FBN2: variants seen among roughly 807,000 people sequenced by gnomAD.
FBN2 encodes the protein fibrillin 2.
In FBN2, 105 loss-of-function variants were observed where a neutral mutation model predicts 355.6. The observed-to-expected ratio is 0.30, with a 90% confidence interval of 0.25 to 0.35. FBN2 has a LOEUF of 0.35. Ranked by LOEUF, FBN2 falls within the 10% of genes least tolerant of loss-of-function variation. The pLI is 1.00. For synonymous variants in FBN2, 1,350 were observed against 1,301.2 expected (o/e 1.04, Z -0.81); for missense variants, 3,280 against 3,758.7 (o/e 0.87, Z 3.33).
intron 11 of FBN2, among the ~76,000 whole-genome samples, chr5:128,379,316 C>A (rs552835607): frequency 6.6e-6 from 1 of 151,970 alleles, no homozygotes; most frequent in East Asian, 1.9e-4. Flanking sequence ...GTTGTCACTG[C>A]TATTAGTTTT....
intron 5 of FBN2, among the ~76,000 whole-genome samples, chr5:128,484,961 A>G (rs1329481953): frequency 6.6e-6 from 1 of 152,182 alleles, no homozygotes; most frequent in Non-Finnish European, 1.5e-5. Context: ...ATACATACGC[A>G]TATAACCTGG....
intron 7 of FBN2, among the ~76,000 whole-genome samples, chr5:128,430,006 C>G (rs1753578747): frequency 6.6e-6 from 1 of 152,122 alleles, no homozygotes; most frequent in Non-Finnish European, 1.5e-5. Context: ...ACCTCTGAGA[C>G]TTTTTTCACA....
At chr5:128,452,640 CTAT>C (rs1754284130) in intron 6 of FBN2, among the ~76,000 whole-genome samples, 1 of 152,180 alleles carries the variant, frequency 6.6e-6, no homozygotes, top group Admixed American at 6.5e-5. Context: ...GAAATTACTA[CTAT>C]ATTTCATAGC....
rs1007306454 is a variant in FBN2 at position 128,357,510 on chromosome 5, ATATGGATC to A, written c.2555-123_2555-116del. ...GGTAAACTTGGCTCTGGTAATTTTA[ATATGGATC>A]TATGAAGCATAAAGTGAATGGGGAA... On this transcript the variant is annotated intron_variant, in intron 19 of 64. Coordinates refer to ENST00000262464, the MANE Select transcript of FBN2 (RefSeq NM_001999.4). The A allele has an allele frequency of 1.2e-5, 15 of 1,213,664 alleles. No homozygotes were observed. The Admixed American group carries it at 2.7e-4, about 22-fold the overall frequency. The allele number at this position is 1,213,664 out of a possible 1,614,324, so 75.2% of individuals were successfully genotyped here. A position where few individuals can be genotyped will look rare whatever the true frequency, so the allele number is the denominator to read the frequency against.
At chr5:128,326,391 T>G (rs1440014974) in intron 34 of FBN2, among the ~76,000 whole-genome samples, 1 of 152,206 alleles carries the variant, frequency 6.6e-6, no homozygotes, top group African/African-American at 2.4e-5. Flanking sequence ...ATGGTCTGTA[T>G]GTAGGTCTGT....
intron 62 of FBN2, among the ~76,000 whole-genome samples, chr5:128,267,599 G>A (rs1031754198): frequency 6.6e-6 from 1 of 151,912 alleles, no homozygotes; most frequent in Non-Finnish European, 1.5e-5. Flanking sequence ...TCATATGTTT[G>A]TTGGCCACAT....
intron 4 of FBN2, 138 bp from the exon 5 acceptor site, chr5:128,519,506 T>A (rs1554075388): frequency 1.4e-6 from 1 of 718,102 alleles, no homozygotes; most frequent in Non-Finnish European, 2.5e-6. Context: ...TTGTATAAAT[T>A]ACACAGGTTA....
chr5:128,263,446 C>T lies in FBN2; in HGVS notation c.8171G>A (p.Gly2724Glu), dbSNP rs777703146. The change falls in exon 63 of 65, where the codon GGG becomes GAG. Residue 2724 changes from glycine to glutamate, a missense_variant. By Grantham distance (98) the Gly-to-Glu change is moderately conservative. Around this residue, in one of 6 missense-constraint regions of FBN2, gnomAD observed 311 missense variants for 319.1 expected, o/e 0.97. Transcript: ENST00000262464. Reference protein sequence around the residue: ...EGGYLCGCPPGYYRVGQGHCV... With the variant: ...EGGYLCGCPPEYYRVGQGHCV... ...TTACCCTTGTCCCACTCTGTAATAC[C>T]CAGGGGGGCAGCCACAGAGGTAGCC... 1 of 1,613,700 alleles carries T rather than the reference C, an allele frequency of 6.2e-7. No individual in the cohort carries two copies. Among genetic ancestry groups the T allele is most frequent in the African/African-American group, 1.3e-5 (1 of 74,888 alleles).
chr5:128,438,179 A>G (rs1753825536), intron 7 of FBN2, among the ~76,000 whole-genome samples: 1 of 152,160 alleles, frequency 6.6e-6, no homozygotes, highest in African/African-American at 2.4e-5. Flanking sequence ...TTTAGTAGAG[A>G]CAGGGTTTCA....
chr5:128,460,898 C>T (rs529681080), intron 6 of FBN2, among the ~76,000 whole-genome samples: 1 of 152,192 alleles, frequency 6.6e-6, no homozygotes, highest in East Asian at 1.9e-4. Flanking sequence ...ACCAAAATAA[C>T]CCTAGAAGAA....
At chr5:128,499,482 T>C (rs749409547) in intron 5 of FBN2, among the ~76,000 whole-genome samples, 1 of 152,172 alleles carries the variant, frequency 6.6e-6, no homozygotes, top group Non-Finnish European at 1.5e-5. Context: ...GATTCTTATG[T>C]AATTGATAGG....
chr5:128,494,503 G>A (rs930343931), intron 5 of FBN2, among the ~76,000 whole-genome samples: 1 of 152,106 alleles, frequency 6.6e-6, no homozygotes, highest in Admixed American at 6.5e-5. Flanking sequence ...GATTTAACTG[G>A]ATCAGACTAT....
chr5:128,267,470 C>T (rs1481666764), intron 62 of FBN2, among the ~76,000 whole-genome samples: 2 of 152,144 alleles, frequency 1.3e-5, no homozygotes, highest in East Asian at 3.9e-4. Context: ...TCTCCACAGT[C>T]TCACCAGCAT....
intron 6 of FBN2, among the ~76,000 whole-genome samples, chr5:128,457,822 A>G (rs1754439624): frequency 6.6e-6 from 1 of 151,986 alleles, no homozygotes; most frequent in Non-Finnish European, 1.5e-5. Context: ...ATGGAAAGGA[A>G]AAACCAGTAC....
chr5:128,407,014 C>A (rs887957060), intron 8 of FBN2, among the ~76,000 whole-genome samples: 5 of 152,170 alleles, frequency 3.3e-5, no homozygotes, highest in Non-Finnish European at 7.3e-5. Flanking sequence ...ACAAACAATT[C>A]TCATTCAAAG....
rs779952945 is a variant in FBN2 at position 128,530,612 on chromosome 5, G to A, written c.419C>T (p.Thr140Ile). ...CTCSSGQISS[T>I]CGSKSIQQCS... ...AAACATACTTGATTTTGATCCACAG[G>A]TTGATGATATTTGCCCACTGGAACA... The change falls in exon 3 of 65, where the codon ACC (threonine) becomes ATC (isoleucine). Residue 140 changes from threonine (T) to isoleucine (I), a missense_variant. Thr to Ile is a moderately conservative substitution (Grantham distance 89). Around this residue, in one of 6 missense-constraint regions of FBN2, gnomAD observed 130 missense variants for 189.9 expected, o/e 0.68. Transcript: ENST00000262464. 3.1e-6 allele frequency: 5 copies of A among 1,610,706 alleles called. No homozygotes were observed. Among genetic ancestry groups the A allele is most frequent in the African/African-American group, 1.3e-5 (1 of 74,822 alleles).
chr5:128,306,806 AC>A (rs1223887202), intron 42 of FBN2, among the ~76,000 whole-genome samples: 1 of 152,192 alleles, frequency 6.6e-6, no homozygotes, highest in Non-Finnish European at 1.5e-5. Context: ...GAAAATAGCA[AC>A]TAAAGGTTAA....
chr5:128,484,891 C>G (rs965122487), intron 5 of FBN2, among the ~76,000 whole-genome samples: 1 of 152,172 alleles, frequency 6.6e-6, no homozygotes, highest in Non-Finnish European at 1.5e-5. Flanking sequence ...AGTGACAATA[C>G]GATCACACCC....
chr5:128,345,818 G>A (rs185813133), intron 23 of FBN2, among the ~76,000 whole-genome samples: 3 of 152,216 alleles, frequency 2.0e-5, no homozygotes, highest in Admixed American at 1.3e-4. Context: ...GGAAGAAAAG[G>A]TCCTCTCATG....
Sources: allele counts gnomAD v4.1 joint callset (sites outside exome capture counted in the v4.1 genomes callset), GRCh38; gene constraint gnomAD v4.1.1; regional missense constraint gnomAD v4.1.1; transcripts MANE v1.5; gene names NCBI Gene and HGNC (gene_info 2026-07-23, HGNC 2026-07-21).